Variants in KLRG1 observed in about 807,000 individuals in gnomAD.
KLRG1 encodes the protein killer cell lectin like receptor G1, also known as killer cell lectin-like receptor subfamily G member 1.
In KLRG1, 16 loss-of-function variants were observed where a neutral mutation model predicts 21.8. The observed-to-expected ratio is 0.73, with a 90% CI of 0.50 to 1.11. KLRG1 has a LOEUF of 1.11. KLRG1 is among the 50% of genes most tolerant of loss of function. The pLI is 0.00. For synonymous variants in KLRG1, 69 were observed against 75.9 expected (o/e 0.91, Z 0.47); for missense variants, 173 against 218.3 (o/e 0.79, Z 1.31).
the KLRG1 span, among the ~76,000 whole-genome samples, chr12:9,204,236 C>G: frequency 6.6e-6 from 1 of 152,130 alleles, no homozygotes; most frequent in African/African-American, 2.4e-5. Flanking sequence ...GCAGTCTGAG[C>G]TCTTTAAACT....
the KLRG1 span, among the ~76,000 whole-genome samples, chr12:9,053,224 G>C: frequency 1.3e-5 from 2 of 152,068 alleles, no homozygotes; most frequent in Non-Finnish European, 2.9e-5. Context: ...TCCTGTGCAG[G>C]GTTGTTCCCA....
chr12:9,002,371 A>C (rs940670486), intron 3 of KLRG1, among the ~76,000 whole-genome samples: 8 of 152,208 alleles, frequency 5.3e-5, no homozygotes, highest in African/African-American at 1.9e-4. Flanking sequence ...TGAACTAAAA[A>C]AGCAAAAAAG....
chr12:9,112,778 C>T, the KLRG1 span: 1 of 495,130 alleles, frequency 2.0e-6, no homozygotes, highest in Non-Finnish European at 3.7e-6. Flanking sequence ...CACCTTCATA[C>T]AGCTCACAGA....
chr12:9,135,509 T>G, the KLRG1 span: 4 of 360,924 alleles, frequency 1.1e-5, no homozygotes, highest in East Asian at 2.8e-4. Context: ...ATACAAATGG[T>G]AGACAGCTGA....
the KLRG1 span, among the ~76,000 whole-genome samples, chr12:9,121,887 G>C: frequency 6.6e-6 from 1 of 152,086 alleles, no homozygotes; most frequent in Non-Finnish European, 1.5e-5. The surrounding 1 kb of genome is among the most constrained non-coding windows in gnomAD (Gnocchi z 4.4). Flanking sequence ...CTTCTCACTA[G>C]CAATGCTTAT....
At chr12:9,187,933 G>A in the KLRG1 span, among the ~76,000 whole-genome samples, 1 of 152,238 alleles carries the variant, frequency 6.6e-6, no homozygotes, top group Non-Finnish European at 1.5e-5. Context: ...GTTGCTACCA[G>A]CCTGAAAACC....
At chr12:9,003,936 G>A (rs1332654782) in intron 3 of KLRG1, among the ~76,000 whole-genome samples, 1 of 149,800 alleles carries the variant, frequency 6.7e-6, no homozygotes, top group Non-Finnish European at 1.5e-5. Context: ...TCCCATCTAT[G>A]AGTGAGAACA....
the KLRG1 span, chr12:9,163,622 G>A: frequency 1.2e-5 from 19 of 1,600,684 alleles, no homozygotes; most frequent in Admixed American, 5.1e-5. Context: ...GTGACCGCCC[G>A]GTGTTGCATT....
chr12:9,126,897 G>C, the KLRG1 span, among the ~76,000 whole-genome samples: 1 of 152,162 alleles, frequency 6.6e-6, no homozygotes, highest in African/African-American at 2.4e-5. Context: ...TTTGCTAAAA[G>C]GGTTAGAGTA....
the KLRG1 span, chr12:9,064,984 G>A: frequency 6.6e-6 from 1 of 152,400 alleles, no homozygotes; most frequent in Admixed American, 6.5e-5. This position sits in a 1 kb window ranked among gnomAD's most constrained non-coding sequence, Gnocchi z 4.0. Context: ...GAGCCCCAGG[G>A]CTCGTGATCT....
the KLRG1 span, among the ~76,000 whole-genome samples, chr12:9,060,917 C>G: frequency 6.6e-6 from 1 of 152,052 alleles, no homozygotes; most frequent in Admixed American, 6.5e-5. Context: ...CCTGTGGTTA[C>G]TCGAATATGA....
chr12:9,193,399 G>A, the KLRG1 span, among the ~76,000 whole-genome samples: 8 of 151,872 alleles, frequency 5.3e-5, no homozygotes, highest in Non-Finnish European at 1.2e-4. Flanking sequence ...AACCTTTTGC[G>A]CATAAACACA....
intron 3 of KLRG1, among the ~76,000 whole-genome samples, chr12:8,997,625 GAAAATATCCCTCTT>G (rs1947172604): frequency 6.6e-6 from 1 of 152,114 alleles, no homozygotes; most frequent in Non-Finnish European, 1.5e-5. Context: ...CAGGCCTATG[GAAAATATCCCTCTT>G]ATGCTGTTAA....
the KLRG1 span, among the ~76,000 whole-genome samples, chr12:9,188,589 G>A: frequency 2.0e-5 from 3 of 152,214 alleles, no homozygotes; most frequent in Non-Finnish European, 4.4e-5. Context: ...AACTATCCCT[G>A]TTTGCAGACG....
downstream of KLRG1, among the ~76,000 whole-genome samples, chr12:9,012,658 G>T (rs76727290): frequency 6.6e-6 from 1 of 151,816 alleles, no homozygotes; most frequent in South Asian, 2.1e-4. Flanking sequence ...ACTCTGTCTT[G>T]CAGCTTAGGT....
the KLRG1 span, chr12:9,115,555 G>A: frequency 6.1e-6 from 3 of 491,762 alleles, no homozygotes; most frequent in Non-Finnish European, 1.1e-5. Context: ...CCCTTAGGAA[G>A]GCTTTGCATA....
chr12:9,016,574 C>T, the KLRG1 span, among the ~76,000 whole-genome samples: 1 of 152,180 alleles, frequency 6.6e-6, no homozygotes, highest in Admixed American at 6.5e-5. Flanking sequence ...ATTTCCCAAA[C>T]ATTTAGAGAA....
the KLRG1 span, chr12:9,029,026 T>A: frequency 6.9e-6 from 4 of 580,768 alleles, no homozygotes; most frequent in South Asian, 6.5e-5. Context: ...GTTTCAAAGC[T>A]CAACCATCCA....
the KLRG1 span, among the ~76,000 whole-genome samples, chr12:9,085,904 A>G: frequency 6.6e-6 from 1 of 152,200 alleles, no homozygotes; most frequent in Non-Finnish European, 1.5e-5. Flanking sequence ...GAAGAAATGA[A>G]TGCATTCCTA....
Sources: gnomAD v4.1 joint callset for allele counts (sites outside exome capture counted in the v4.1 genomes callset) on GRCh38, gnomAD v4.1.1 for gene constraint, Gnocchi (gnomAD v3.1) non-coding constraint, MANE v1.5 for transcripts, NCBI Gene and HGNC (gene_info 2026-07-23, HGNC 2026-07-21) for gene names.